Variants in CRACD observed in about 807,000 individuals in gnomAD.
CRACD encodes capping protein inhibiting regulator of actin dynamics, also known as capping protein-inhibiting regulator of actin dynamics.
A neutral mutation model predicts 106.8 loss-of-function variants in CRACD; 56 were observed. The observed-to-expected ratio is 0.52, with a 90% CI of 0.42 to 0.66. The LOEUF (loss-of-function observed/expected upper bound fraction) is 0.66, where lower values mean the gene tolerates loss of function less well. Ranked by LOEUF, CRACD falls within the 30% of genes least tolerant of loss-of-function variation. The pLI is 0.00. For missense variants in CRACD, 1,730 were observed against 1,623.2 expected, an observed-to-expected ratio of 1.07 and a Z score of -1.13; for synonymous variants, 754 against 670.8, an observed-to-expected ratio of 1.12 and a Z score of -1.92.
intron 1 of CRACD, among the ~76,000 whole-genome samples, chr4:56,169,779 C>T (rs149542773): frequency 1.8e-3 from 276 of 152,220 alleles, no homozygotes; most frequent in Non-Finnish European, 3.2e-3. Context: ...ATTACAGGCA[C>T]CACGACTGGC....
chr4:56,239,299 ATAT>A (rs774886243), intron 2 of CRACD, among the ~76,000 whole-genome samples: 3 of 151,600 alleles, frequency 2.0e-5, no homozygotes, highest in South Asian at 2.1e-4. Flanking sequence ...ATAATAATAA[ATAT>A]TATTATTTAA....
chr4:56,322,727 C>G lies in CRACD; in HGVS notation c.3188-650C>G, dbSNP rs115493993. Among the ~76,000 whole-genome samples the G allele has an allele frequency of 8.9e-3, 1,351 of 152,222 alleles. 15 individuals are homozygous for G. Among genetic ancestry groups the G allele is most frequent in the African/African-American group, 0.03 (1,258 of 41,530 alleles). On this transcript the variant is annotated intron_variant, in intron 8 of 10. Transcript: ENST00000682029. ...TGGTTCCATGGCTAAAAATAAATTT[C>G]ATTTAAAGCAATGAATTAGGGCCGG... is the stretch of plus-strand genomic sequence containing the variant.
chr4:56,104,026 G>A (rs2109834014), intron 1 of CRACD, among the ~76,000 whole-genome samples: 1 of 152,244 alleles, frequency 6.6e-6, no homozygotes, highest in East Asian at 1.9e-4. Context: ...CACCCGCCTT[G>A]GCCTCTCAAA....
At chr4:56,095,959 G>A (rs146596143) in intron 1 of CRACD, among the ~76,000 whole-genome samples, 2 of 152,256 alleles carry the variant, frequency 1.3e-5, no homozygotes, top group East Asian at 3.9e-4. Context: ...GATTGGATGT[G>A]GGAGATGAGA....
chr4:56,167,822 TAAAAG>T (rs577815660), intron 1 of CRACD, among the ~76,000 whole-genome samples: 4 of 152,200 alleles, frequency 2.6e-5, no homozygotes, highest in East Asian at 1.9e-4. Context: ...TATTCAGCCT[TAAAAG>T]AGAAGGAAAT....
chr4:56,173,189 A>G (rs1037100453), intron 1 of CRACD, among the ~76,000 whole-genome samples: 1 of 152,226 alleles, frequency 6.6e-6, no homozygotes, highest in African/African-American at 2.4e-5. Flanking sequence ...AGCAAATGGA[A>G]AAAGTCAAAG....
intron 2 of CRACD, among the ~76,000 whole-genome samples, chr4:56,192,987 T>G (rs1425696212): frequency 6.6e-6 from 1 of 152,186 alleles, no homozygotes; most frequent in African/African-American, 2.4e-5. Flanking sequence ...GCCCAGCTGA[T>G]TAGTCCATTC....
intron 3 of CRACD, among the ~76,000 whole-genome samples, chr4:56,290,828 C>T (rs1743663326): frequency 6.6e-6 from 1 of 152,278 alleles, no homozygotes; most frequent in South Asian, 2.1e-4. Flanking sequence ...GACCATTTTT[C>T]TGGCCTCTGT....
intron 2 of CRACD, among the ~76,000 whole-genome samples, chr4:56,202,937 A>T (rs1737952247): frequency 6.6e-6 from 1 of 152,198 alleles, no homozygotes; most frequent in Non-Finnish European, 1.5e-5. Flanking sequence ...TTTTCACTAC[A>T]AGAGTTTGCT....
chr4:56,231,389 A>C (rs7676693), intron 2 of CRACD, among the ~76,000 whole-genome samples: 34,674 of 152,136 alleles, frequency 0.23, 4,040 homozygotes, highest in Non-Finnish European at 0.24. Context: ...GCAAATATAA[A>C]AATGTATGTT....
At chr4:56,250,508 A>C (rs60359083) in intron 2 of CRACD, among the ~76,000 whole-genome samples, 2 of 152,004 alleles carry the variant, frequency 1.3e-5, no homozygotes, top group African/African-American at 4.8e-5. Flanking sequence ...TAGTAAGAGA[A>C]TTGAGACTTA....
At chr4:56,137,726 G>A (rs1225647306) in intron 1 of CRACD, among the ~76,000 whole-genome samples, 1 of 152,182 alleles carries the variant, frequency 6.6e-6, no homozygotes, top group Non-Finnish European at 1.5e-5. Flanking sequence ...GGTGGTGCAC[G>A]CCTGTAGTCC....
rs555360028 is a variant in CRACD at position 56,138,043 on chromosome 4, A to G, written c.-335-41241A>G. Among the ~76,000 whole-genome samples the G allele has an allele frequency of 2.0e-5, 3 of 151,084 alleles. No individual in the cohort carries two copies. In the East Asian group the frequency reaches 5.9e-4, roughly 30 times the overall value. ...GGTTATACCTTTTAGAGGTTTAGACATGCTAGTGTAAAAGTGACATTGACC... is the reference window on the plus strand; with the variant it reads ...GGTTATACCTTTTAGAGGTTTAGACGTGCTAGTGTAAAAGTGACATTGACC... On this transcript the variant is annotated intron_variant, in intron 1 of 10. Transcript: ENST00000682029.
At chr4:56,270,921 AACACACAC>A (rs35109908) in intron 2 of CRACD, among the ~76,000 whole-genome samples, 42 of 145,642 alleles carry the variant, frequency 2.9e-4, no homozygotes, top group Admixed American at 2.1e-4. Flanking sequence ...GTCTCTACTA[AACACACAC>A]ACACACACAC....
intron 8 of CRACD, among the ~76,000 whole-genome samples, chr4:56,317,100 C>G (rs887757835): frequency 6.6e-6 from 1 of 152,128 alleles, no homozygotes; most frequent in African/African-American, 2.4e-5. Context: ...AACCAGATGC[C>G]TATGTTAGAT....
intron 2 of CRACD, among the ~76,000 whole-genome samples, chr4:56,219,940 G>T (rs1738936607): frequency 6.6e-6 from 1 of 152,178 alleles, no homozygotes; most frequent in South Asian, 2.1e-4. Flanking sequence ...GTGCATTCAG[G>T]CTTACAGTAT....
At chr4:56,078,127 T>A (rs1457608822) in intron 1 of CRACD, among the ~76,000 whole-genome samples, 1 of 152,236 alleles carries the variant, frequency 6.6e-6, no homozygotes, top group Non-Finnish European at 1.5e-5. Context: ...TTGTACTTAT[T>A]CATGTGGTAC....
Position 56,104,135 on chromosome 4 carries a change from G to C in CRACD, c.-336+54836G>C, listed in dbSNP as rs1733867726. The stretch of plus-strand genomic sequence containing the variant: ...AAATTGTCTTCGCGCAGTAGCTCAT[G>C]CCGGTGATCCCGGAGCTTTGGGAGG... On this transcript the variant is annotated intron_variant, in intron 1 of 10. Transcript: ENST00000682029. 2.6e-5 allele frequency among the ~76,000 whole-genome samples: 4 copies of C among 152,224 alleles called. No homozygotes were observed. In the South Asian group the frequency reaches 8.3e-4, roughly 32 times the overall value.
intron 2 of CRACD, among the ~76,000 whole-genome samples, chr4:56,204,200 A>G (rs929845122): frequency 6.6e-6 from 1 of 152,230 alleles, no homozygotes. Context: ...TGGTTGGTCC[A>G]TTGCCATGGA....
Sources: gnomAD v4.1 joint callset for allele counts (sites outside exome capture counted in the v4.1 genomes callset) on GRCh38, gnomAD v4.1.1 for gene constraint, MANE v1.5 for transcripts, NCBI Gene and HGNC (gene_info 2026-07-23, HGNC 2026-07-21) for gene names.